USP15: variants seen among roughly 807,000 people sequenced by gnomAD.
USP15 encodes ubiquitin carboxyl-terminal hydrolase 15.
A neutral mutation model predicts 127.1 loss-of-function variants in USP15; 18 were observed. The ratio of observed to expected loss-of-function variants is 0.14; its 90% CI spans 0.10 to 0.21. The LOEUF is 0.21. USP15 is among the 10% of genes least tolerant of loss of function. USP15 has a pLI of 1.00. For synonymous variants in USP15, 364 were observed against 393.7 expected (o/e 0.92, Z 0.89); for missense variants, 805 against 1,159.9 (o/e 0.69, Z 4.44).
intron 2 of USP15, among the ~76,000 whole-genome samples, chr12:62,299,390 T>A (rs913535913): frequency 6.6e-6 from 1 of 152,160 alleles, no homozygotes; most frequent in African/African-American, 2.4e-5. Flanking sequence ...GGATTACAGG[T>A]GTTAGCCACT....
chr12:62,339,232 G>T (rs536310633), intron 6 of USP15, among the ~76,000 whole-genome samples: 2 of 151,980 alleles, frequency 1.3e-5, no homozygotes. Context: ...ATTTTTGCAC[G>T]TTGATTTTGT....
At chr12:62,347,476 T>C (rs1170249669) in intron 6 of USP15, among the ~76,000 whole-genome samples, 1 of 151,896 alleles carries the variant, frequency 6.6e-6, no homozygotes, top group East Asian at 1.9e-4. Flanking sequence ...ATTCGATTTA[T>C]ATATGTTTTT....
chr12:62,345,109 ATTTC>A (rs2065773693), intron 6 of USP15, among the ~76,000 whole-genome samples: 1 of 152,162 alleles, frequency 6.6e-6, no homozygotes, highest in Non-Finnish European at 1.5e-5. Context: ...TGGGATTTTC[ATTTC>A]TATTGCATTG....
At chr12:62,371,786 T>G (rs1262535619) in intron 8 of USP15, among the ~76,000 whole-genome samples, 1 of 152,120 alleles carries the variant, frequency 6.6e-6, no homozygotes, top group Non-Finnish European at 1.5e-5. Flanking sequence ...TAGAGGAAAG[T>G]GTATTTTGCT....
chr12:62,329,636 G>A (rs2065228732), intron 6 of USP15, among the ~76,000 whole-genome samples: 1 of 151,998 alleles, frequency 6.6e-6, no homozygotes, highest in Non-Finnish European at 1.5e-5. Flanking sequence ...ATAGGTAAAA[G>A]ATACTAACAG....
chr12:62,265,890 A>G (rs766103403), intron 1 of USP15, among the ~76,000 whole-genome samples: 1 of 152,168 alleles, frequency 6.6e-6, no homozygotes, highest in Non-Finnish European at 1.5e-5. Context: ...TTTAAAAAGT[A>G]GATTCACTTT....
intron 18 of USP15, 40 bp from the exon 19 acceptor site, chr12:62,393,013 G>C: frequency 6.3e-7 from 1 of 1,596,836 alleles, no homozygotes; most frequent in South Asian, 1.1e-5. Flanking sequence ...GGGGTTGTTT[G>C]TACCTCTATC....
chr12:62,283,716 G>A (rs1049033587), intron 1 of USP15, among the ~76,000 whole-genome samples: 8 of 152,154 alleles, frequency 5.3e-5, no homozygotes, highest in African/African-American at 1.9e-4. Flanking sequence ...GCCGAGGCAG[G>A]CGGATCACTT....
At chr12:62,285,678 A>G (rs760823473) in intron 1 of USP15, among the ~76,000 whole-genome samples, 9 of 152,150 alleles carry the variant, frequency 5.9e-5, no homozygotes, top group African/African-American at 1.4e-4. Context: ...CCTTTATCCA[A>G]TCATCCACTG....
chr12:62,353,114 T>C (rs1421403207), intron 7 of USP15, among the ~76,000 whole-genome samples: 5 of 152,008 alleles, frequency 3.3e-5, no homozygotes, highest in African/African-American at 9.7e-5. Context: ...TAATATTTCA[T>C]TTAGAGCACA....
In USP15 at chr12:62,347,390, A is replaced by G. The variant is rs1458865543; in HGVS notation, c.684-1831A>G. On this transcript the variant is annotated intron_variant, in intron 6 of 21. Transcript: ENST00000280377. ...TGTGCATATATATTATATATAATATATATGTCTCAGTCACTTTATTGGATG... is the reference window on the plus strand; with the variant it reads ...TGTGCATATATATTATATATAATATGTATGTCTCAGTCACTTTATTGGATG... Among the ~76,000 whole-genome samples, 5 of 149,274 alleles carry G rather than the reference A, an allele frequency of 3.3e-5. No individual in the cohort carries two copies. The East Asian group carries it at 5.8e-4, about 17-fold the overall frequency.
chr12:62,345,442 T>A (rs1353210302), intron 6 of USP15, among the ~76,000 whole-genome samples: 1 of 152,200 alleles, frequency 6.6e-6, no homozygotes, highest in Non-Finnish European at 1.5e-5. Flanking sequence ...TCAGCAAGTC[T>A]CTAGGAAGTT....
chr12:62,306,079 A>T (rs1385843012), intron 3 of USP15: 1 of 152,192 alleles, frequency 6.6e-6, no homozygotes, highest in Non-Finnish European at 1.5e-5. Context: ...TTGGAAGTGG[A>T]TCCTTTAGTT....
chr12:62,390,942 G>A lies in USP15; in HGVS notation c.1923G>A (p.Gly641=), dbSNP rs1184540080. 1.2e-6 allele frequency: 2 copies of A among 1,612,906 alleles called. No homozygotes were observed. Among genetic ancestry groups the A allele is most frequent in the Non-Finnish European group, 1.7e-6 (2 of 1,179,328 alleles). ...GCTGTAAGGACCAAAATATTAATGG[G>A]AATGGCCCAAATGGCATACATGAAG... The part of the protein sequence containing the change: ...LHCCKDQNIN[G]NGPNGIHEEG... Residue 641 remains glycine, a synonymous_variant, in exon 15 of 22, where the codon GGG becomes GGA. Transcript: ENST00000280377.
intron 6 of USP15, among the ~76,000 whole-genome samples, chr12:62,326,972 A>C (rs1015964435): frequency 6.6e-6 from 1 of 152,054 alleles, no homozygotes; most frequent in Non-Finnish European, 1.5e-5. Context: ...TCTACTAAAA[A>C]TACAAAAATT....
intron 3 of USP15, among the ~76,000 whole-genome samples, chr12:62,310,364 C>T (rs868193465): frequency 1.2e-4 from 18 of 151,764 alleles, no homozygotes; most frequent in Admixed American, 2.6e-4. Flanking sequence ...TAAGCCAGTT[C>T]CCTTCATCCT....
rs912823643 is a variant in USP15, at chr12:62,412,391, A to G, written c.*8016A>G. ...GACAGTAGTGAAGTTTGCTTCATCA[A>G]TTGACTCTTCCTTTTACAAGAGATT... On this transcript the variant is annotated 3_prime_UTR_variant, in exon 22 of 22. Transcript: ENST00000280377. 1.3e-5 allele frequency: 2 copies of G among 152,292 alleles called. No homozygotes were observed. The highest frequency in any genetic ancestry group is 2.4e-5 in the African/African-American group (1 of 41,442). 9.4% of individuals were successfully genotyped at this position (152,292 alleles called of 1,614,324 possible). A position where few individuals can be genotyped will look rare whatever the true frequency, so the allele number is the denominator to read the frequency against.
chr12:62,300,790 A>ATT (rs1424927565), intron 2 of USP15, among the ~76,000 whole-genome samples: 2 of 152,184 alleles, frequency 1.3e-5, no homozygotes, highest in African/African-American at 4.8e-5. Context: ...GTAAAAACTA[A>ATT]AACTTTTAGG....
chr12:62,350,087 ATAT>A (rs141804254), intron 7 of USP15, among the ~76,000 whole-genome samples: 1,530 of 151,978 alleles, frequency 0.01, 26 homozygotes, highest in African/African-American at 0.034. Context: ...TTGCACTAAC[ATAT>A]TAGTATTAGA....
Sources: allele counts gnomAD v4.1 joint callset (sites outside exome capture counted in the v4.1 genomes callset), GRCh38; gene constraint gnomAD v4.1.1; transcripts MANE v1.5; gene names NCBI Gene and HGNC (gene_info 2026-07-23, HGNC 2026-07-21).